FSHR: variants seen among roughly 807,000 people sequenced by gnomAD.
FSHR encodes follicle-stimulating hormone receptor.
A neutral mutation model predicts 52.1 loss-of-function variants in FSHR; 46 were observed. The ratio of observed to expected loss-of-function variants is 0.88; its 90% CI spans 0.70 to 1.13. The LOEUF (loss-of-function observed/expected upper bound fraction) is 1.13, where lower values mean the gene tolerates loss of function less well. Among genes scored for constraint, FSHR ranks in the 50% most tolerant of loss-of-function variants. The probability of loss-of-function intolerance (pLI) is 0.00; values close to 1 mark genes in which losing one functional copy is unlikely to be tolerated. For synonymous variants in FSHR, 399 were observed against 309.6 expected (o/e 1.29, Z -3.03); for missense variants, 964 against 834.6 (o/e 1.16, Z -1.91).
Position 49,143,484 on chromosome 2 carries a change from C to T in FSHR, c.152+10782G>A, listed in dbSNP as rs1672762150. Among the ~76,000 whole-genome samples, 4 of 152,088 alleles carry T rather than the reference C, an allele frequency of 2.6e-5. No individual in the cohort carries two copies. In the South Asian group the frequency reaches 6.2e-4, roughly 24 times the overall value. ...CCTGTGACAAGAAGAATTTTCAGCT[C>T]AGTGGAACTATGGAGACAGAGCCAG... On this transcript the variant is annotated intron_variant, in intron 1 of 9. Transcript: ENST00000406846.
intron 3 of FSHR, among the ~76,000 whole-genome samples, chr2:49,018,975 G>A (rs368707030): frequency 1.9e-4 from 29 of 152,346 alleles, no homozygotes; most frequent in African/African-American, 6.5e-4. Flanking sequence ...TCTTATTTGT[G>A]TGTGGATTTG....
intron 8 of FSHR, among the ~76,000 whole-genome samples, chr2:48,979,618 G>A (rs1371817805): frequency 6.6e-6 from 1 of 152,098 alleles, no homozygotes; most frequent in Non-Finnish European, 1.5e-5. Flanking sequence ...TCTTGATATG[G>A]AGGACTTGCC....
At chr2:49,027,679 A>G (rs566729531) in intron 2 of FSHR, among the ~76,000 whole-genome samples, 15 of 152,068 alleles carry the variant, frequency 9.9e-5, no homozygotes, top group Non-Finnish European at 1.5e-4. Flanking sequence ...GCAAAACACC[A>G]TCTCTACTAA....
intron 1 of FSHR, among the ~76,000 whole-genome samples, chr2:49,150,991 CATAA>C (rs1307994213): frequency 6.6e-6 from 1 of 151,944 alleles, no homozygotes; most frequent in Non-Finnish European, 1.5e-5. Flanking sequence ...TTTCTGTGTT[CATAA>C]ATAAAGTTTT....
At chr2:49,074,427 C>A (rs1435829889) in intron 1 of FSHR, among the ~76,000 whole-genome samples, 1 of 151,938 alleles carries the variant, frequency 6.6e-6, no homozygotes, top group Non-Finnish European at 1.5e-5. Flanking sequence ...AAACAGGTTC[C>A]CTGATCATCA....
At chr2:49,046,772 G>T (rs562612910) in intron 2 of FSHR, among the ~76,000 whole-genome samples, 1 of 152,266 alleles carries the variant, frequency 6.6e-6, no homozygotes, top group East Asian at 1.9e-4. Flanking sequence ...TTGGTGGACG[G>T]ATTATGCTTC....
chr2:48,986,217 A>G (rs1197811359), intron 6 of FSHR, among the ~76,000 whole-genome samples: 2 of 152,084 alleles, frequency 1.3e-5, no homozygotes, highest in African/African-American at 4.8e-5. Context: ...GAGTGAACAT[A>G]TGGTATTTGG....
At chr2:49,124,677 C>G (rs1467954916) in intron 1 of FSHR, among the ~76,000 whole-genome samples, 2 of 152,142 alleles carry the variant, frequency 1.3e-5, no homozygotes, top group Non-Finnish European at 2.9e-5. Context: ...AGAATCCGAC[C>G]CCTTCTCATC....
At chr2:49,001,695 A>G (rs1666892388) in intron 4 of FSHR, among the ~76,000 whole-genome samples, 1 of 152,174 alleles carries the variant, frequency 6.6e-6, no homozygotes, top group Non-Finnish European at 1.5e-5. Flanking sequence ...AGATGATCAC[A>G]AATTCCAAGT....
Position 49,047,127 on chromosome 2 carries a change from T to C in FSHR, c.224+21092A>G, listed in dbSNP as rs115308819. Among the ~76,000 whole-genome samples the C allele has an allele frequency of 1.8e-3, 270 of 152,292 alleles. 1 individual carries two copies. The highest frequency in any genetic ancestry group is 6.2e-3 in the African/African-American group (259 of 41,570). ...AATGGAACTTACTCTATATGTAGGA[T>C]TTTTTGTTGTTGTTTTGGGACTTGG... On this transcript the variant is annotated intron_variant, in intron 2 of 9. Coordinates refer to ENST00000406846, the MANE Select transcript of FSHR (RefSeq NM_000145.4).
At chr2:49,143,332 T>A (rs1170095531) in intron 1 of FSHR, among the ~76,000 whole-genome samples, 1 of 152,200 alleles carries the variant, frequency 6.6e-6, no homozygotes, top group Non-Finnish European at 1.5e-5. Flanking sequence ...AGGTGTGTAA[T>A]GTGAACAGAT....
chr2:48,965,533 T>C (rs1674435184), intron 9 of FSHR, among the ~76,000 whole-genome samples: 1 of 152,188 alleles, frequency 6.6e-6, no homozygotes, highest in Admixed American at 6.5e-5. Context: ...CCTGTGGTCC[T>C]TAGTCTAACT....
intron 1 of FSHR, among the ~76,000 whole-genome samples, chr2:49,082,509 G>C (rs187848083): frequency 1.1e-3 from 169 of 152,242 alleles, no homozygotes; most frequent in African/African-American, 4.0e-3. Flanking sequence ...TGAATTTGAC[G>C]AGCTGAGAGA....
chr2:49,127,836 T>A (rs1480929413), intron 1 of FSHR, among the ~76,000 whole-genome samples: 4 of 11,766 alleles, frequency 3.4e-4, no homozygotes, highest in African/African-American at 1.6e-3. Context: ...CTTCCTCTTC[T>A]TCTTCTTCTT....
At chr2:49,116,020 G>A (rs1057245957) in intron 1 of FSHR, among the ~76,000 whole-genome samples, 2 of 152,142 alleles carry the variant, frequency 1.3e-5, no homozygotes, top group Non-Finnish European at 2.9e-5. Flanking sequence ...TGTCATCAGG[G>A]CAGAGAAGAG....
chr2:49,007,345 G>T (rs1045863088), intron 4 of FSHR, among the ~76,000 whole-genome samples: 2 of 152,122 alleles, frequency 1.3e-5, no homozygotes, highest in Non-Finnish European at 2.9e-5. Context: ...CTACTGTGTG[G>T]ATTGTTGAGG....
chr2:48,997,373 A>T (rs1676069296), intron 4 of FSHR: 9 of 985,152 alleles, frequency 9.1e-6, no homozygotes, highest in Non-Finnish European at 1.1e-5. Flanking sequence ...GGGAAATTTA[A>T]GGAGCTCAAG....
chr2:49,078,329 C>T (rs1401195992), intron 1 of FSHR, among the ~76,000 whole-genome samples: 1 of 152,084 alleles, frequency 6.6e-6, no homozygotes, highest in Non-Finnish European at 1.5e-5. Context: ...ATGAGAACAG[C>T]ACGGGAAAGA....
chr2:49,114,348 G>A (rs1398317654), intron 1 of FSHR, among the ~76,000 whole-genome samples: 2 of 152,092 alleles, frequency 1.3e-5, no homozygotes, highest in Non-Finnish European at 2.9e-5. Context: ...CTAGACCAAA[G>A]CAATACTCTC....
Sources: gnomAD v4.1 joint callset for allele counts (sites outside exome capture counted in the v4.1 genomes callset) on GRCh38, gnomAD v4.1.1 for gene constraint, MANE v1.5 for transcripts, NCBI Gene and HGNC (gene_info 2026-07-23, HGNC 2026-07-21) for gene names.